Variants in STAG1 observed in about 807,000 individuals in gnomAD.
STAG1 encodes STAG1 cohesin complex component.
A neutral mutation model predicts 170.9 loss-of-function variants in STAG1; 26 were observed. The observed-to-expected ratio is 0.15, with a 90% CI of 0.11 to 0.21. The LOEUF is 0.21. Among genes scored for constraint, STAG1 ranks in the 10% least tolerant of loss-of-function variants. STAG1 has a pLI of 1.00. For missense variants in STAG1, 964 were observed against 1,509.5 expected, an observed-to-expected ratio of 0.64 and a Z score of 5.99; for synonymous variants, 514 against 497.7, an observed-to-expected ratio of 1.03 and a Z score of -0.44.
chr3:136,498,781 G>A (rs907371389), intron 9 of STAG1, among the ~76,000 whole-genome samples: 1 of 150,958 alleles, frequency 6.6e-6, no homozygotes, highest in Non-Finnish European at 1.5e-5. Context: ...TGTTATACAT[G>A]CAGTATATGC....
At chr3:136,724,593 T>C (rs537143076) in intron 1 of STAG1, among the ~76,000 whole-genome samples, 1 of 123,896 alleles carries the variant, frequency 8.1e-6, no homozygotes, top group East Asian at 2.1e-4. Context: ...CACCCAAGAA[T>C]GATCAATAAA....
intron 9 of STAG1, among the ~76,000 whole-genome samples, chr3:136,492,581 C>T (rs2090143583): frequency 6.6e-6 from 1 of 152,130 alleles, no homozygotes; most frequent in African/African-American, 2.4e-5. Flanking sequence ...GATTATCAGT[C>T]AGAGCAGAAT....
intron 3 of STAG1, among the ~76,000 whole-genome samples, chr3:136,605,744 A>G (rs2107809983): frequency 6.6e-6 from 1 of 152,256 alleles, no homozygotes; most frequent in South Asian, 2.1e-4. Flanking sequence ...ATTGAAATAA[A>G]TTTGCCCTGC....
At chr3:136,354,998 T>C (rs1936590075) in intron 28 of STAG1, among the ~76,000 whole-genome samples, 1 of 151,898 alleles carries the variant, frequency 6.6e-6, no homozygotes, top group Non-Finnish European at 1.5e-5. Flanking sequence ...GACACAAAAA[T>C]GTCTTAGAGA....
intron 23 of STAG1, among the ~76,000 whole-genome samples, 191 bp downstream of exon 23, chr3:136,377,469 T>C (rs1937668395): frequency 6.8e-6 from 1 of 148,126 alleles, no homozygotes; most frequent in African/African-American, 2.5e-5. Context: ...AAGGAAAGAA[T>C]GTATATTATA....
intron 1 of STAG1, among the ~76,000 whole-genome samples, chr3:136,639,348 G>C (rs1375977757): frequency 2.6e-5 from 4 of 151,724 alleles, no homozygotes; most frequent in Non-Finnish European, 5.9e-5. Flanking sequence ...AAAGAAAAAA[G>C]GAAAGTAAAT....
intron 20 of STAG1, among the ~76,000 whole-genome samples, 199 bp downstream of exon 20, chr3:136,420,894 C>T (rs2087934351): frequency 6.6e-6 from 1 of 152,202 alleles, no homozygotes; most frequent in Admixed American, 6.5e-5. Flanking sequence ...CCTGCTTCTC[C>T]TGCCTCAGCC....
chr3:136,348,912 C>G, intron 29 of STAG1: 1 of 499,820 alleles, frequency 2.0e-6, no homozygotes, highest in Non-Finnish European at 3.6e-6. Flanking sequence ...TTTTATAGAC[C>G]TAGCTAATTT....
At chr3:136,732,717 C>T (rs966621076) in intron 1 of STAG1, among the ~76,000 whole-genome samples, 4 of 151,998 alleles carry the variant, frequency 2.6e-5, no homozygotes, top group African/African-American at 7.3e-5. Flanking sequence ...TCAAGTGATT[C>T]GCCTGCCTCA....
At chr3:136,416,195 A>C (rs757299569) in intron 21 of STAG1, among the ~76,000 whole-genome samples, 1 of 152,012 alleles carries the variant, frequency 6.6e-6, no homozygotes, top group African/African-American at 2.4e-5. Flanking sequence ...TTTAGTAGAG[A>C]TGGGGTTTTG....
intron 1 of STAG1, among the ~76,000 whole-genome samples, chr3:136,729,182 G>GT (rs1288016562): frequency 1.7e-4 from 26 of 151,584 alleles, no homozygotes; most frequent in African/African-American, 5.6e-4. Context: ...TTTTGTTTTT[G>GT]TTTTTTTGAG....
intron 22 of STAG1, among the ~76,000 whole-genome samples, chr3:136,386,385 T>A (rs2086874347): frequency 6.6e-6 from 1 of 152,200 alleles, no homozygotes; most frequent in South Asian, 2.1e-4. Context: ...CAGCAAGATA[T>A]CAACAATGAA....
At chr3:136,742,714 CAAAA>C (rs771229199) in intron 1 of STAG1, among the ~76,000 whole-genome samples, 1 of 102,006 alleles carries the variant, frequency 9.8e-6, no homozygotes. Context: ...GACTCCATCT[CAAAA>C]AAAAAAAAAA....
rs1279181565 is a variant in STAG1, at chr3:136,715,154, T to C, written c.-84+37041A>G. On this transcript the variant is annotated intron_variant, in intron 1 of 33. Transcript: ENST00000383202. The stretch of plus-strand genomic sequence containing the variant: ...GTTCTTGACCCAGATAAAATTTGTG[T>C]ATGTGGGGTTTTTTAACTTTTTTTT... Among the ~76,000 whole-genome samples the C allele has an allele frequency of 5.2e-5, 7 of 135,650 alleles. No homozygotes were observed. The East Asian group carries it at 1.2e-3, about 24-fold the overall frequency. 89.0% of individuals were successfully genotyped at this position (135,650 alleles called of 152,430 possible).
chr3:136,386,807 A>G (rs538210857), intron 22 of STAG1, among the ~76,000 whole-genome samples: 5 of 152,156 alleles, frequency 3.3e-5, no homozygotes, highest in Non-Finnish European at 7.3e-5. Context: ...GTTTTCATCC[A>G]TAACTATGAA....
intron 1 of STAG1, among the ~76,000 whole-genome samples, chr3:136,637,495 T>G (rs1362059241): frequency 6.6e-6 from 1 of 152,224 alleles, no homozygotes; most frequent in Non-Finnish European, 1.5e-5. Context: ...TATTCTGCTC[T>G]TTCTCTCTGA....
Position 136,338,297 on chromosome 3 carries a change from CAT to C in STAG1, c.3754-22_3754-21del, listed in dbSNP as rs757819960. The C allele has an allele frequency of 2.5e-6, 4 of 1,600,146 alleles. No homozygotes were observed. The highest frequency in any genetic ancestry group is 2.7e-5 in the African/African-American group (2 of 74,232). ...AAATCCCTAGAAAAATGATGAGAAA[CAT>C]AATTATTAATTTCATGCATAAACAG... is the stretch of plus-strand genomic sequence containing the variant. On this transcript the variant is annotated intron_variant, in intron 33 of 33. Transcript: ENST00000383202.
chr3:136,392,992 T>C (rs1287466343), intron 22 of STAG1, among the ~76,000 whole-genome samples: 1 of 152,076 alleles, frequency 6.6e-6, no homozygotes, highest in Non-Finnish European at 1.5e-5. Flanking sequence ...TGTGACCTCT[T>C]GAGAGATTTA....
At chr3:136,419,683 G>C (rs1173169536) in intron 20 of STAG1, among the ~76,000 whole-genome samples, 1 of 142,448 alleles carries the variant, frequency 7.0e-6, no homozygotes, top group African/African-American at 2.6e-5. Context: ...GGCTGGTCTT[G>C]AACCCCTGGG....
Sources: gnomAD v4.1 joint callset for allele counts (sites outside exome capture counted in the v4.1 genomes callset) on GRCh38, gnomAD v4.1.1 for gene constraint, MANE v1.5 for transcripts, NCBI Gene and HGNC (gene_info 2026-07-23, HGNC 2026-07-21) for gene names.